FSTL5: variants seen among roughly 807,000 people sequenced by gnomAD.
FSTL5 encodes follistatin-related protein 5.
In FSTL5, 62 loss-of-function variants were observed where a neutral mutation model predicts 89.1. That is an observed-to-expected ratio of 0.70 (90% CI 0.57 to 0.86). FSTL5 has a LOEUF of 0.86. FSTL5 is among the 40% of genes least tolerant of loss of function. FSTL5 has a pLI of 0.00. For synonymous variants in FSTL5, 383 were observed against 346.2 expected (o/e 1.11, Z -1.18); for missense variants, 1,057 against 1,001.6 (o/e 1.06, Z -0.75).
At chr4:161,617,809 G>T (rs1734952729) in intron 7 of FSTL5, among the ~76,000 whole-genome samples, 1 of 152,174 alleles carries the variant, frequency 6.6e-6, no homozygotes, top group Admixed American at 6.5e-5. Context: ...GCAGATGAAG[G>T]TAGAATAAAG....
chr4:161,682,428 CACATTGT>C (rs1295726966), intron 6 of FSTL5, among the ~76,000 whole-genome samples: 8 of 152,170 alleles, frequency 5.3e-5, no homozygotes, highest in Non-Finnish European at 1.0e-4. Flanking sequence ...AAAAGACAAA[CACATTGT>C]ACAGCTGCAC....
chr4:161,586,041 A>C (rs1733604680), intron 8 of FSTL5, among the ~76,000 whole-genome samples: 1 of 152,194 alleles, frequency 6.6e-6, no homozygotes, highest in Non-Finnish European at 1.5e-5. Flanking sequence ...CAATAGTCAA[A>C]TCAGATTACC....
chr4:161,466,389 C>T (rs943908514), intron 13 of FSTL5, among the ~76,000 whole-genome samples: 2 of 152,166 alleles, frequency 1.3e-5, no homozygotes, highest in Admixed American at 6.5e-5. Flanking sequence ...CAAAGATACA[C>T]AGAACTTGCG....
In FSTL5 at chr4:161,566,121, TATATATATATATATAC is replaced by T. The variant is rs1215694646; in HGVS notation, c.1015+21318_1015+21333del. Among the ~76,000 whole-genome samples the T allele has an allele frequency of 2.2e-3, 249 of 112,302 alleles. 1 individual carries two copies. Among genetic ancestry groups the T allele is most frequent in the South Asian group, 8.7e-3 (28 of 3,230 alleles). 73.7% of individuals were successfully genotyped at this position (112,302 alleles called of 152,430 possible). ...TGGACTATATATATATATATATATA[TATATATATATATATAC>T]ACACACACACACACACACCGTGGAA... On this transcript the variant is annotated intron_variant, in intron 8 of 15. Coordinates refer to ENST00000306100, the MANE Select transcript of FSTL5 (RefSeq NM_020116.5).
intron 15 of FSTL5, among the ~76,000 whole-genome samples, chr4:161,440,628 G>GTTGATACTGTTGGTAATACTATGA (rs1732728397): frequency 6.6e-6 from 1 of 151,978 alleles, no homozygotes; most frequent in Non-Finnish European, 1.5e-5. Context: ...TGACTTGGTC[G>GTTGATACTGTTGGTAATACTATGA]TTCTGTTGGT....
At chr4:161,809,782 ACATT>A (rs1446887468) in intron 4 of FSTL5, among the ~76,000 whole-genome samples, 1 of 152,246 alleles carries the variant, frequency 6.6e-6, no homozygotes, top group Non-Finnish European at 1.5e-5. Context: ...AGAATAGTTC[ACATT>A]CATAAAGACA....
At chr4:162,132,521 T>C (rs1732345129) in intron 1 of FSTL5, among the ~76,000 whole-genome samples, 2 of 152,080 alleles carry the variant, frequency 1.3e-5, no homozygotes, top group South Asian at 4.2e-4. Flanking sequence ...ACTGTAACAC[T>C]CACCGCGAGG....
rs146037793 is a variant in FSTL5 at position 161,621,267 on chromosome 4, T to TACACACACAC, written c.895-33702_895-33693dup. 3.6e-3 allele frequency among the ~76,000 whole-genome samples: 519 copies of TACACACACAC among 146,172 alleles called. 4 individuals carry two copies. Among genetic ancestry groups the TACACACACAC allele is most frequent in the African/African-American group, 0.012 (479 of 39,338 alleles). On this transcript the variant is annotated intron_variant, in intron 7 of 15. Coordinates refer to ENST00000306100, the MANE Select transcript of FSTL5 (RefSeq NM_020116.5). ...AGTAGGGATATGGGGATGTAAAGAC[T>TACACACACAC]ACACACACACACACACACACACACA... is the stretch of plus-strand genomic sequence containing the variant.
chr4:161,946,018 T>C (rs1734724311), intron 3 of FSTL5, among the ~76,000 whole-genome samples: 1 of 152,126 alleles, frequency 6.6e-6, no homozygotes, highest in East Asian at 1.9e-4. Context: ...GCATTTTCAT[T>C]TGCATAAAAT....
At chr4:161,735,893 A>C (rs1406632227) in intron 6 of FSTL5, among the ~76,000 whole-genome samples, 1 of 152,210 alleles carries the variant, frequency 6.6e-6, no homozygotes, top group Non-Finnish European at 1.5e-5. Flanking sequence ...AAACTATTTT[A>C]TTTTTGAAGA....
At chr4:161,718,404 G>C (rs943697531) in intron 6 of FSTL5, among the ~76,000 whole-genome samples, 12 of 152,020 alleles carry the variant, frequency 7.9e-5, no homozygotes, top group Admixed American at 6.6e-4. Flanking sequence ...TTAGATCATG[G>C]AGTGTGTAGA....
chr4:161,495,302 G>A (rs1212437172), intron 12 of FSTL5: 1 of 152,140 alleles, frequency 6.6e-6, no homozygotes, highest in African/African-American at 2.4e-5. Flanking sequence ...TGGAACAGTA[G>A]TAGAAAACCA....
intron 10 of FSTL5, among the ~76,000 whole-genome samples, chr4:161,526,875 T>A (rs1413217570): frequency 6.6e-6 from 1 of 152,178 alleles, no homozygotes; most frequent in Admixed American, 6.6e-5. Flanking sequence ...TGAAGTCAGG[T>A]ATCGTGATGG....
intron 6 of FSTL5, among the ~76,000 whole-genome samples, chr4:161,758,610 C>T (rs561393693): frequency 5.3e-5 from 8 of 152,242 alleles, no homozygotes; most frequent in Non-Finnish European, 7.4e-5. Flanking sequence ...CCTCCGCCCC[C>T]GGGTTCAAGT....
intron 4 of FSTL5, among the ~76,000 whole-genome samples, chr4:161,885,046 C>T (rs865843971): frequency 6.6e-6 from 1 of 151,194 alleles, no homozygotes; most frequent in Middle Eastern, 3.4e-3. Flanking sequence ...CAGCTAATCC[C>T]CAAAATGATC....
chr4:161,925,797 T>A (rs1461106248), intron 3 of FSTL5, among the ~76,000 whole-genome samples: 1 of 151,818 alleles, frequency 6.6e-6, no homozygotes, highest in East Asian at 1.9e-4. Context: ...CTTGTTATTA[T>A]TATAAGCATT....
intron 2 of FSTL5, among the ~76,000 whole-genome samples, chr4:162,063,683 G>A (rs1324093031): frequency 2.6e-5 from 4 of 151,806 alleles, no homozygotes; most frequent in Non-Finnish European, 4.4e-5. Flanking sequence ...TTTGAGCAAA[G>A]CTACCTTAGA....
At chr4:161,502,100 T>C (rs1236520090) in intron 11 of FSTL5, among the ~76,000 whole-genome samples, 1 of 151,978 alleles carries the variant, frequency 6.6e-6, no homozygotes, top group African/African-American at 2.4e-5. Flanking sequence ...TGTTCGAAAA[T>C]TATGAATTTG....
At chr4:161,850,810 C>T (rs1290310945) in intron 4 of FSTL5, among the ~76,000 whole-genome samples, 1 of 152,112 alleles carries the variant, frequency 6.6e-6, no homozygotes. Context: ...AAATGTGGTA[C>T]ATATACAAAA....
Sources: allele counts gnomAD v4.1 joint callset (sites outside exome capture counted in the v4.1 genomes callset), GRCh38; gene constraint gnomAD v4.1.1; transcripts MANE v1.5; gene names NCBI Gene and HGNC (gene_info 2026-07-23, HGNC 2026-07-21).